Variants in PRKN observed in about 807,000 individuals in gnomAD.
PRKN encodes parkin RBR E3 ubiquitin protein ligase.
Under a neutral mutation model 59.5 loss-of-function variants are expected in PRKN, and 56 were observed. The ratio of observed to expected loss-of-function variants is 0.94; its 90% confidence interval spans 0.76 to 1.18. The LOEUF is 1.18. Among genes scored for constraint, PRKN ranks in the 50% most tolerant of loss-of-function variants. The pLI is 0.00. For synonymous variants in PRKN, 250 were observed against 222.1 expected, an observed-to-expected ratio of 1.13 and a Z score of -1.12; for missense variants, 657 against 596.4, an observed-to-expected ratio of 1.10 and a Z score of -1.06.
chr6:162,401,920 C>CTTAA (rs1028708578), intron 2 of PRKN, among the ~76,000 whole-genome samples: 1 of 152,100 alleles, frequency 6.6e-6, no homozygotes, highest in African/African-American at 2.4e-5. Flanking sequence ...TTTTAACCAG[C>CTTAA]TTTAAGCAAC....
At chr6:162,391,362 G>T (rs1214587833) in intron 2 of PRKN, among the ~76,000 whole-genome samples, 2 of 151,446 alleles carry the variant, frequency 1.3e-5, no homozygotes, top group South Asian at 2.1e-4. Flanking sequence ...CCTCCTGGAA[G>T]ATAATTTTCT....
intron 1 of PRKN, among the ~76,000 whole-genome samples, chr6:162,503,167 G>A (rs1415242474): frequency 1.6e-4 from 17 of 109,222 alleles, no homozygotes; most frequent in Non-Finnish European, 3.9e-5. Flanking sequence ...TTTGTTGGCC[G>A]GGGGGTGTTT....
intron 7 of PRKN, among the ~76,000 whole-genome samples, chr6:161,697,527 T>C (rs1786072339): frequency 1.3e-5 from 2 of 152,130 alleles, no homozygotes; most frequent in Non-Finnish European, 2.9e-5. Context: ...ACAAATTCAG[T>C]CTCTAGTCTC....
At chr6:161,543,600 A>G (rs998499304) in intron 9 of PRKN, among the ~76,000 whole-genome samples, 1 of 152,232 alleles carries the variant, frequency 6.6e-6, no homozygotes, top group Admixed American at 6.5e-5. Flanking sequence ...ACTTATGGTC[A>G]CTAATATGAT....
rs1424823848 is a variant in PRKN, at chr6:161,973,426, A to G, written c.619-9T>C. The G allele has an allele frequency of 6.7e-7, 1 of 1,489,358 alleles. No individual in the cohort carries two copies. The allele number at this position is 1,489,358 out of a possible 1,614,324, so 92.3% of individuals were successfully genotyped here. On this transcript the variant is annotated splice_polypyrimidine_tract_variant and intron_variant, in intron 5 of 11. Coordinates refer to ENST00000366898, the MANE Select transcript of PRKN (RefSeq NM_004562.3). ...CATTTAAAGAAAAATTCCTGAAAGA[A>G]AGATAAATATGATCACACACATGGA... is the stretch of plus-strand genomic sequence containing the variant.
chr6:161,667,276 G>T (rs1401974972), intron 7 of PRKN, among the ~76,000 whole-genome samples: 1 of 152,156 alleles, frequency 6.6e-6, no homozygotes, highest in African/African-American at 2.4e-5. Context: ...CCACCCTGCA[G>T]CCCCCACCTT....
chr6:162,321,348 A>G (rs1027868358), intron 2 of PRKN, among the ~76,000 whole-genome samples: 7 of 151,984 alleles, frequency 4.6e-5, no homozygotes, highest in African/African-American at 1.7e-4. Flanking sequence ...GAAAACTTGA[A>G]TAGACTTATG....
intron 4 of PRKN, among the ~76,000 whole-genome samples, chr6:162,058,743 A>G (rs1582969525): frequency 6.6e-6 from 1 of 152,120 alleles, no homozygotes; most frequent in African/African-American, 2.4e-5. Flanking sequence ...ACCTAAGGTC[A>G]GGAGTTCAAG....
At chr6:162,223,738 C>T (rs577737789) in intron 3 of PRKN, among the ~76,000 whole-genome samples, 1 of 151,594 alleles carries the variant, frequency 6.6e-6, no homozygotes, top group East Asian at 1.9e-4. Context: ...GTATCTCTTT[C>T]TTATGTCCTG....
chr6:162,420,628 A>G (rs1198669317), intron 2 of PRKN, among the ~76,000 whole-genome samples: 1 of 152,194 alleles, frequency 6.6e-6, no homozygotes, highest in African/African-American at 2.4e-5. Context: ...TGTTCTGAGG[A>G]GTAATATGGT....
chr6:161,900,926 A>AT (rs199852188), intron 6 of PRKN, among the ~76,000 whole-genome samples: 18 of 83,556 alleles, frequency 2.2e-4, no homozygotes, highest in Non-Finnish European at 5.5e-4. Flanking sequence ...ATATATATAT[A>AT]TATTTTTTAG....
intron 1 of PRKN, among the ~76,000 whole-genome samples, chr6:162,689,697 C>T (rs1464685338): frequency 6.6e-6 from 1 of 152,164 alleles, no homozygotes; most frequent in Non-Finnish European, 1.5e-5. Context: ...CTTTATGGTC[C>T]TCCTCAATAC....
chr6:161,386,776 G>T lies in PRKN; in HGVS notation c.1167+18C>A. ...TATCCGGAGCCCTGCTTGGAGGAAT[G>T]AGTAGGGCATTCTGTACCTGAGTAG... On this transcript the variant is annotated intron_variant, in intron 10 of 11. Transcript: ENST00000366898. This position sits in a 1 kb window ranked among gnomAD's most constrained non-coding sequence, Gnocchi z 4.3. 6.3e-7 allele frequency: 1 copy of T among 1,575,926 alleles called. No individual in the cohort carries two copies. The highest frequency in any genetic ancestry group is 8.7e-7 in the Non-Finnish European group (1 of 1,145,182).
At chr6:162,059,080 C>A (rs1198157498) in intron 4 of PRKN, among the ~76,000 whole-genome samples, 1 of 150,908 alleles carries the variant, frequency 6.6e-6, no homozygotes, top group Non-Finnish European at 1.5e-5. Flanking sequence ...TGAGACTTTT[C>A]TGTGCATATC....
At chr6:162,231,836 T>C (rs1778433234) in intron 3 of PRKN, among the ~76,000 whole-genome samples, 1 of 152,060 alleles carries the variant, frequency 6.6e-6, no homozygotes, top group Non-Finnish European at 1.5e-5. Flanking sequence ...ATATATGAAT[T>C]AAACAAGGCA....
intron 2 of PRKN, among the ~76,000 whole-genome samples, chr6:162,441,996 G>A (rs550645329): frequency 6.9e-6 from 1 of 144,426 alleles, no homozygotes; most frequent in South Asian, 2.2e-4. Context: ...AATCTTTTTA[G>A]TTGACTGAAA....
At chr6:162,399,955 C>A (rs576459362) in intron 2 of PRKN, among the ~76,000 whole-genome samples, 2 of 152,164 alleles carry the variant, frequency 1.3e-5, no homozygotes, top group South Asian at 2.1e-4. Context: ...CTTGTAATTG[C>A]GGCACTTTGG....
intron 4 of PRKN, among the ~76,000 whole-genome samples, chr6:162,107,113 C>G (rs1015654855): frequency 1.3e-5 from 2 of 152,172 alleles, no homozygotes; most frequent in Non-Finnish European, 2.9e-5. Context: ...TAAACAGTTT[C>G]TCACAACCCC....
At chr6:161,618,850 C>T (rs1269870099) in intron 7 of PRKN, among the ~76,000 whole-genome samples, 1 of 152,134 alleles carries the variant, frequency 6.6e-6, no homozygotes, top group Admixed American at 6.5e-5. Flanking sequence ...ATTAAAGATA[C>T]TAAAAATGTT....
Sources: allele counts gnomAD v4.1 joint callset (sites outside exome capture counted in the v4.1 genomes callset), GRCh38; gene constraint gnomAD v4.1.1; non-coding constraint Gnocchi (gnomAD v3.1); transcripts MANE v1.5; gene names NCBI Gene and HGNC (gene_info 2026-07-23, HGNC 2026-07-21).